INCA1: variants seen among roughly 807,000 people sequenced by gnomAD.
INCA1 encodes protein INCA1.
A neutral mutation model predicts 25.7 loss-of-function variants in INCA1; 28 were observed. The observed-to-expected ratio is 1.09, with a 90% CI of 0.81 to 1.49. INCA1 has a LOEUF of 1.49. INCA1 is among the 40% of genes most tolerant of loss of function. The pLI, the probability that INCA1 is intolerant of heterozygous loss-of-function variation, is 0.00. For missense variants in INCA1, 309 were observed against 290.9 expected, an observed-to-expected ratio of 1.06 and a Z score of -0.45; for synonymous variants, 111 against 103.6, an observed-to-expected ratio of 1.07 and a Z score of -0.43.
At chr17:4,988,263 C>A in exon 7 of INCA1, 1 of 906,578 alleles carries the variant, frequency 1.1e-6, no homozygotes, top group Non-Finnish European at 1.6e-6. Context: ...CTGTTAATGC[C>A]TAGTTCAGAG....
At chr17:4,993,370 G>A (rs2032179117) in intron 2 of INCA1, among the ~76,000 whole-genome samples, 1 of 151,698 alleles carries the variant, frequency 6.6e-6, no homozygotes, top group Admixed American at 6.6e-5. Context: ...GTAGAGATGG[G>A]GTTTCTCCAT....
chr17:4,995,700 CG>C (rs1974194821), intron 1 of INCA1: 1 of 151,456 alleles, frequency 6.6e-6, no homozygotes, highest in African/African-American at 2.4e-5. Context: ...GAGGCTGAGG[CG>C]GGTGGATCAC....
intron 2 of INCA1, among the ~76,000 whole-genome samples, chr17:4,991,635 A>G (rs1196647559): frequency 1.3e-5 from 2 of 152,030 alleles, no homozygotes; most frequent in East Asian, 3.9e-4. Context: ...TTCTTAGGTG[A>G]TCTCACCCAG....
chr17:4,989,479 GC>G lies in INCA1; in HGVS notation c.343del (p.Ala115LeufsTer9), dbSNP rs1973673685. ...TAGGTCCTCCAGGTGGTAAGTGACA[GC>G]CCTCACCCGGGCGGGGACTCCCCCA... is the stretch of plus-strand genomic sequence containing the variant. On this transcript the variant is annotated frameshift_variant, in exon 5 of 7. Coordinates refer to ENST00000576820, the Ensembl canonical transcript of INCA1. LOFTEE classifies it high-confidence loss of function. 3 of 1,614,068 alleles carry G rather than the reference GC, an allele frequency of 1.9e-6. No individual in the cohort carries two copies. Among genetic ancestry groups the G allele is most frequent in the Non-Finnish European group, 2.5e-6 (3 of 1,180,038 alleles).
In INCA1 at chr17:4,988,954, C is replaced by T. The variant is rs1973588877; in HGVS notation, c.396-10G>A. ...CTGGGCCTTCTTCAGTCTGTGGAGACTTTAGGCTGAGGAGAGAAGTGCCTG... is the reference window on the plus strand; with the variant it reads ...CTGGGCCTTCTTCAGTCTGTGGAGATTTTAGGCTGAGGAGAGAAGTGCCTG... On this transcript the variant is annotated splice_polypyrimidine_tract_variant and intron_variant, in intron 5 of 6. Coordinates refer to ENST00000576820, the Ensembl canonical transcript of INCA1. 3.1e-6 allele frequency: 5 copies of T among 1,610,188 alleles called. No individual in the cohort carries two copies. Among genetic ancestry groups the T allele is most frequent in the Non-Finnish European group, 4.2e-6 (5 of 1,178,188 alleles).
At chr17:4,988,906 G>T (rs757043018) in exon 6 of INCA1, 3 of 1,614,192 alleles carry the variant, frequency 1.9e-6, no homozygotes, top group South Asian at 1.1e-5. Context: ...CACTGGCTCA[G>T]ATGCAGCCCC....
At chr17:4,992,655 CTT>C (rs1018703751) in intron 2 of INCA1, among the ~76,000 whole-genome samples, 3 of 53,574 alleles carry the variant, frequency 5.6e-5, no homozygotes, top group Non-Finnish European at 2.0e-4. Context: ...CCCCTCCCCT[CTT>C]TTCCTTTTCT....
At chr17:4,992,181 T>G (rs1244119916) in intron 2 of INCA1, among the ~76,000 whole-genome samples, 1 of 152,068 alleles carries the variant, frequency 6.6e-6, no homozygotes, top group Non-Finnish European at 1.5e-5. Context: ...TTCTCTACTG[T>G]GTTTGTTTGA....
chr17:4,996,063 G>A (rs1359628077), intron 1 of INCA1: 1 of 151,964 alleles, frequency 6.6e-6, no homozygotes, highest in Non-Finnish European at 1.5e-5. Context: ...AGCCAAAGAT[G>A]ACCTGAAGGC....
intron 1 of INCA1, among the ~76,000 whole-genome samples, chr17:4,996,565 C>T (rs1473353087): frequency 6.7e-6 from 1 of 149,730 alleles, no homozygotes; most frequent in Non-Finnish European, 1.5e-5. Context: ...ATCTGTAATC[C>T]CAGCTATTCG....
intron 1 of INCA1, among the ~76,000 whole-genome samples, chr17:4,995,228 G>C (rs1280865043): frequency 6.6e-6 from 1 of 151,982 alleles, no homozygotes; most frequent in Non-Finnish European, 1.5e-5. Context: ...GGTATTTGTA[G>C]TGCTGGACTG....
intron 1 of INCA1, among the ~76,000 whole-genome samples, chr17:4,996,666 CAAAAAAA>C (rs35732129): frequency 4.2e-4 from 22 of 51,774 alleles, no homozygotes; most frequent in South Asian, 2.6e-3. Context: ...GACTCCGTCT[CAAAAAAA>C]AAAAAAAAAA....
chr17:4,988,549 A>G (rs1032688108), exon 7 of INCA1: 4 of 1,609,536 alleles, frequency 2.5e-6, no homozygotes, highest in Non-Finnish European at 2.5e-6. Context: ...AGGGAGACCA[A>G]AGCAGCTGTC....
intron 5 of INCA1, 33 bp downstream of exon 5, chr17:4,989,395 G>A (rs770773957): frequency 3.2e-6 from 5 of 1,584,444 alleles, no homozygotes; most frequent in Non-Finnish European, 4.3e-6. Flanking sequence ...AATCCTGCAT[G>A]ACTCCCAGAA....
At chr17:4,993,407 A>AACCTCAGGTGATCTGCCC (rs1974008559) in intron 2 of INCA1, among the ~76,000 whole-genome samples, 1 of 151,740 alleles carries the variant, frequency 6.6e-6, no homozygotes, top group Non-Finnish European at 1.5e-5. Flanking sequence ...TCAAACTCCC[A>AACCTCAGGTGATCTGCCC]ACCTCAGGTG....
intron 3 of INCA1, 78 bp from the exon 4 acceptor site, chr17:4,990,007 A>T (rs1352046642): frequency 2.5e-6 from 4 of 1,611,116 alleles, no homozygotes; most frequent in Non-Finnish European, 3.4e-6. Flanking sequence ...ATCTCTCCCG[A>T]CCTCCTTTCT....
exon 7 of INCA1, chr17:4,988,371 G>A (rs1973515535): frequency 6.4e-7 from 1 of 1,560,682 alleles, no homozygotes; most frequent in African/African-American, 1.4e-5. Flanking sequence ...GGTCCCTGGG[G>A]CACCACTAGC....
At chr17:4,988,723 C>G in intron 6 of INCA1, 56 bp downstream of exon 6, 1 of 1,603,716 alleles carries the variant, frequency 6.2e-7, no homozygotes, top group Non-Finnish European at 8.5e-7. Context: ...CATCTCCATG[C>G]AAGACCAGAG....
intron 2 of INCA1, among the ~76,000 whole-genome samples, chr17:4,990,663 C>G (rs1480389983): frequency 6.6e-6 from 1 of 151,898 alleles, no homozygotes; most frequent in Non-Finnish European, 1.5e-5. Flanking sequence ...GGGTGGATCA[C>G]CTGAGGTCTG....
Sources: gnomAD v4.1 joint callset for allele counts (sites outside exome capture counted in the v4.1 genomes callset) on GRCh38, gnomAD v4.1.1 for gene constraint, MANE v1.5 for transcripts, NCBI Gene and HGNC (gene_info 2026-07-23, HGNC 2026-07-21) for gene names.